C6orf118: variants seen among roughly 807,000 people sequenced by gnomAD.
C6orf118 encodes the protein uncharacterized protein C6orf118.
Under a neutral mutation model 50.2 loss-of-function variants are expected in C6orf118, and 50 were observed. The ratio of observed to expected loss-of-function variants is 1.00; its 90% CI spans 0.79 to 1.26. C6orf118 has a LOEUF of 1.26. C6orf118 is among the 50% of genes most tolerant of loss of function. The pLI is 0.00. For missense variants in C6orf118, 641 were observed against 578.7 expected (o/e 1.11, Z -1.10); for synonymous variants, 239 against 230.9 (o/e 1.03, Z -0.32).
At chr6:165,283,407 C>T (rs1779797779) in intron 7 of C6orf118, among the ~76,000 whole-genome samples, 2 of 152,218 alleles carry the variant, frequency 1.3e-5, no homozygotes, top group Non-Finnish European at 2.9e-5. Flanking sequence ...GACAGAATGT[C>T]TGCTGGCTCT....
rs1358180516 is a variant in C6orf118, at chr6:165,301,557, T to A, written c.753+12A>T. 3.7e-6 allele frequency: 6 copies of A among 1,604,210 alleles called. No individual in the cohort carries two copies. The highest frequency in any genetic ancestry group is 5.1e-6 in the Non-Finnish European group (6 of 1,175,426). On this transcript the variant is annotated intron_variant, in intron 2 of 8. Coordinates refer to ENST00000230301, the MANE Select transcript of C6orf118 (RefSeq NM_144980.4). ...CTCTTCCCTGAGACCACCGCAGGGC[T>A]GCCCTCCTCACCTGCTGCAGCTTTC...
chr6:165,293,021 A>G (rs1780158622), intron 6 of C6orf118, among the ~76,000 whole-genome samples: 1 of 152,246 alleles, frequency 6.6e-6, no homozygotes, highest in Admixed American at 6.5e-5. Flanking sequence ...GTTGGAAAAC[A>G]GTCAAAGTTA....
At position 165,302,121 on chromosome 6, in the gene C6orf118, G is replaced by T. The variant is rs543835994; in HGVS notation, c.201C>A (p.Asn67Lys). Residue 67 changes from asparagine (N) to lysine (K), a missense_variant, in exon 2 of 9, where the codon AAC becomes AAA. By Grantham distance (94) the Asn-to-Lys change is moderately conservative (BLOSUM62 0). Transcript: ENST00000230301. Reference sequence around the variant, plus strand: ...TCGTCTCCGGAGGCTGGTAGAGCTTGTTGGGGTTCAGGTGTCCAGAGATGT... The same window carrying T: ...TCGTCTCCGGAGGCTGGTAGAGCTTTTTGGGGTTCAGGTGTCCAGAGATGT... ...YLYISGHLNP[N>K]KLYQPPETIL... The T allele has an allele frequency of 6.2e-7, 1 of 1,613,658 alleles. No homozygotes were observed. The highest frequency in any genetic ancestry group is 2.2e-5 in the East Asian group (1 of 44,854).
At chr6:165,306,386 A>T (rs1780729171) in intron 1 of C6orf118, among the ~76,000 whole-genome samples, 1 of 123,224 alleles carries the variant, frequency 8.1e-6, no homozygotes, top group Non-Finnish European at 1.7e-5. Flanking sequence ...ATGACACGTT[A>T]GTGGGTGCAG....
At position 165,279,894 on chromosome 6, in the gene C6orf118, T is replaced by A; in HGVS notation, c.*163A>T. On this transcript the variant is annotated 3_prime_UTR_variant, in exon 9 of 9. Transcript: ENST00000230301. ...TAATCATGTGTACGCATGTGTGTAT[T>A]TCAGTATCCTGAGTAGGATACATAT... The A allele has an allele frequency of 1.6e-6, 1 of 615,482 alleles. No individual in the cohort carries two copies. Among genetic ancestry groups the A allele is most frequent in the Non-Finnish European group, 2.7e-6 (1 of 375,752 alleles). 38.1% of individuals were successfully genotyped at this position (615,482 alleles called of 1,614,324 possible).
chr6:165,300,473 A>G lies in C6orf118; in HGVS notation c.767T>C (p.Ile256Thr). 1 of 1,609,738 alleles carries G rather than the reference A, an allele frequency of 6.2e-7. No individual in the cohort carries two copies. ...ERKLQQELQK[I>T]CTCSPQQFNR... The stretch of plus-strand genomic sequence containing the variant: ...GAACTGCTGGGGGCTGCACGTGCAA[A>G]TTTTCTGGAGCTCCTGGAGGAAAAA... The change falls in exon 3 of 9, where the codon ATT (isoleucine) becomes ACT (threonine). Residue 256 changes from isoleucine (I) to threonine (T), a missense_variant. Transcript: ENST00000230301.
Position 165,279,920 on chromosome 6 carries a change from A to G in C6orf118, c.*137T>C. The G allele has an allele frequency of 1.2e-6, 1 of 834,420 alleles. No individual in the cohort carries two copies. The highest frequency in any genetic ancestry group is 1.8e-6 in the Non-Finnish European group (1 of 550,894). 51.7% of individuals were successfully genotyped at this position (834,420 alleles called of 1,614,324 possible). ...TCAGTATCCTGAGTAGGATACATATACCACATTAATTTTACTAGAGATTAA... is the reference window on the plus strand; with the variant it reads ...TCAGTATCCTGAGTAGGATACATATGCCACATTAATTTTACTAGAGATTAA... On this transcript the variant is annotated 3_prime_UTR_variant, in exon 9 of 9. Transcript: ENST00000230301.
chr6:165,297,573 A>G (rs1209477462), intron 5 of C6orf118, among the ~76,000 whole-genome samples: 1 of 152,220 alleles, frequency 6.6e-6, no homozygotes, highest in African/African-American at 2.4e-5. Context: ...AATCATACAA[A>G]GAGTATGCCC....
chr6:165,296,545 A>C (rs1247637212), intron 5 of C6orf118, among the ~76,000 whole-genome samples: 3 of 151,996 alleles, frequency 2.0e-5, no homozygotes, highest in Non-Finnish European at 4.4e-5. Flanking sequence ...TCTCCATCAC[A>C]GTGTGACCCC....
chr6:165,285,853 C>T (rs1046909461), intron 7 of C6orf118, among the ~76,000 whole-genome samples: 1 of 151,738 alleles, frequency 6.6e-6, no homozygotes, highest in African/African-American at 2.4e-5. Flanking sequence ...TATAACATCA[C>T]AACTAAAAGA....
rs1232860772 is a variant in C6orf118, at chr6:165,301,638, CT to C, written c.683del (p.Lys228SerfsTer5). The C allele has an allele frequency of 6.2e-7, 1 of 1,614,036 alleles. No individual in the cohort carries two copies. Among genetic ancestry groups the C allele is most frequent in the East Asian group, 2.2e-5 (1 of 44,882 alleles). ...FLRFQKEVLA[K>X]QDLLKNDFTG... The stretch of plus-strand genomic sequence containing the variant: ...TGAAGTCATTCTTCAGGAGATCTTG[CT>C]TGGCGAGCACTTCCTTCTGGAAACG... On this transcript the variant is annotated frameshift_variant, in exon 2 of 9. Transcript: ENST00000230301. LOFTEE classifies it high-confidence loss of function.
Position 165,282,586 on chromosome 6 carries a change from T to C in C6orf118, c.1303-893A>G, listed in dbSNP as rs574022802. On this transcript the variant is annotated intron_variant, in intron 7 of 8. Transcript: ENST00000230301. ...AGGGTTGCTGCAAATTAAATGAAAT[T>C]ATATTTTTTAAATGTTCATAAAAGT... Among the ~76,000 whole-genome samples the C allele has an allele frequency of 1.1e-4, 16 of 152,032 alleles. No individual in the cohort carries two copies. The East Asian group carries it at 2.5e-3, about 24-fold the overall frequency.
chr6:165,291,384 C>T (rs1051349664), intron 6 of C6orf118, among the ~76,000 whole-genome samples: 10 of 152,126 alleles, frequency 6.6e-5, no homozygotes, highest in African/African-American at 2.2e-4. Context: ...TAAGAAAGAA[C>T]TTGGTTTCAA....
At position 165,301,725 on chromosome 6, in the gene C6orf118, G is replaced by T. The variant is rs776513099; in HGVS notation, c.597C>A (p.His199Gln). 5.0e-6 allele frequency: 8 copies of T among 1,614,140 alleles called. No homozygotes were observed. Among genetic ancestry groups the T allele is most frequent in the South Asian group, 1.1e-5 (1 of 91,086 alleles). Reference protein sequence around the residue: ...EAGSRGTRDRHHYVSSYLAGA... With the variant: ...EAGSRGTRDRQHYVSSYLAGA... ...CGGCCAGGTAGGAGCTGACATAGTGGTGCCGGTCCCTGGTGCCTCTGGACC... is the reference window on the plus strand; with the variant it reads ...CGGCCAGGTAGGAGCTGACATAGTGTTGCCGGTCCCTGGTGCCTCTGGACC... Residue 199 changes from histidine to glutamine, a missense_variant, in exon 2 of 9, where the codon CAC becomes CAA. By Grantham distance (24) the His-to-Gln change is conservative. Coordinates refer to ENST00000230301, the MANE Select transcript of C6orf118 (RefSeq NM_144980.4).
intron 1 of C6orf118, among the ~76,000 whole-genome samples, chr6:165,307,569 A>AAT (rs1554233121): frequency 1.4e-4 from 21 of 148,890 alleles, no homozygotes; most frequent in African/African-American, 4.8e-4. Flanking sequence ...AAAAAAAAAA[A>AAT]TTTTTTTTAA....
At position 165,309,580 on chromosome 6, in the gene C6orf118, C is replaced by T. The variant is rs1780869199; in HGVS notation, c.7G>A (p.Glu3Lys). MA[E>K]EREPELYLKW... ...CACTTACATTCAGGCTCCCGCTCCTCCGCCATCGCTTCCTTCCCTCCAGCT... is the reference window on the plus strand; with the variant it reads ...CACTTACATTCAGGCTCCCGCTCCTTCGCCATCGCTTCCTTCCCTCCAGCT... The change falls in exon 1 of 9, where the codon GAG becomes AAG. Residue 3 changes from glutamate to lysine, a missense_variant. Physicochemically the swap from Glu to Lys is moderately conservative, Grantham distance 56. Coordinates refer to ENST00000230301, the MANE Select transcript of C6orf118 (RefSeq NM_144980.4). 1 of 1,614,068 alleles carries T rather than the reference C, an allele frequency of 6.2e-7. No homozygotes were observed. The highest frequency in any genetic ancestry group is 8.5e-7 in the Non-Finnish European group (1 of 1,180,044).
Position 165,298,116 on chromosome 6 carries a change from G to C in C6orf118, c.937-15C>G, listed in dbSNP as rs201582454. 1 of 1,564,938 alleles carries C rather than the reference G, an allele frequency of 6.4e-7. No homozygotes were observed. The highest frequency in any genetic ancestry group is 8.6e-7 in the Non-Finnish European group (1 of 1,161,070). Reference sequence around the variant, plus strand: ...GCCAGAAGAGCCTAGGCAGGACCAGGTACATGAGGTGAGACAAGCACACAG... The same window carrying C: ...GCCAGAAGAGCCTAGGCAGGACCAGCTACATGAGGTGAGACAAGCACACAG... On this transcript the variant is annotated splice_polypyrimidine_tract_variant and intron_variant, in intron 4 of 8. Transcript: ENST00000230301.
At position 165,289,959 on chromosome 6, in the gene C6orf118, T is replaced by C. The variant is rs1228235315; in HGVS notation, c.1229A>G (p.Glu410Gly). 2.5e-6 allele frequency: 4 copies of C among 1,611,516 alleles called. No homozygotes were observed. The highest frequency in any genetic ancestry group is 3.4e-6 in the Non-Finnish European group (4 of 1,178,688). The change falls in exon 7 of 9, where the codon GAA becomes GGA. Residue 410 changes from glutamate to glycine, a missense_variant. Transcript: ENST00000230301. ...LSKWDEIQAL[E>G]KEIKTTLVHT... Reference sequence around the variant, plus strand: ...AACCAAAGTTGTTTTAATTTCTTTTTCCAGAGCTTGTATCTCATCCCACTT... The same window carrying C: ...AACCAAAGTTGTTTTAATTTCTTTTCCCAGAGCTTGTATCTCATCCCACTT...
chr6:165,290,785 A>G (rs1357624211), intron 6 of C6orf118, among the ~76,000 whole-genome samples: 3 of 152,300 alleles, frequency 2.0e-5, no homozygotes, highest in Admixed American at 1.3e-4. Flanking sequence ...TCATTCACAC[A>G]GGTTGATCGG....
Sources: gnomAD v4.1 joint callset for allele counts (sites outside exome capture counted in the v4.1 genomes callset) on GRCh38, gnomAD v4.1.1 for gene constraint, MANE v1.5 for transcripts, NCBI Gene and HGNC (gene_info 2026-07-23, HGNC 2026-07-21) for gene names.